Variants in TBC1D30 observed in about 807,000 individuals in gnomAD.
TBC1D30 encodes TBC1 domain family, member 30.
In TBC1D30, 31 loss-of-function variants were observed where a neutral mutation model predicts 63.2. That is an observed-to-expected ratio of 0.49 (90% CI 0.37 to 0.66). The LOEUF (loss-of-function observed/expected upper bound fraction) is 0.66, where lower values mean the gene tolerates loss of function less well. TBC1D30 is among the 30% of genes least tolerant of loss of function. TBC1D30 has a pLI of 0.00. For missense variants in TBC1D30, 810 were observed against 953.6 expected (o/e 0.85, Z 1.98); for synonymous variants, 307 against 361.5 (o/e 0.85, Z 1.71).
chr12:64,785,035 A>G (rs1382912904), intron 1 of TBC1D30, among the ~76,000 whole-genome samples: 5 of 152,202 alleles, frequency 3.3e-5, no homozygotes, highest in African/African-American at 1.2e-4. Flanking sequence ...CTATTGGAAG[A>G]CTGGATATTC....
intron 2 of TBC1D30, among the ~76,000 whole-genome samples, chr12:64,807,632 A>G (rs1366199317): frequency 6.6e-6 from 1 of 152,188 alleles, no homozygotes; most frequent in Non-Finnish European, 1.5e-5. Context: ...GGTTTTCCTA[A>G]TATGCCATTC....
intron 5 of TBC1D30, among the ~76,000 whole-genome samples, chr12:64,833,622 A>G (rs1460213067): frequency 2.0e-5 from 3 of 152,174 alleles, no homozygotes; most frequent in Non-Finnish European, 4.4e-5. Flanking sequence ...GGAAAAATAA[A>G]CAAATGTTCC....
At chr12:64,867,145 C>G (rs115732756) in intron 10 of TBC1D30, among the ~76,000 whole-genome samples, 2,388 of 152,098 alleles carry the variant, frequency 0.016, 69 homozygotes, top group African/African-American at 0.054. Context: ...GACCCAGTCT[C>G]TACCAAACAA....
At chr12:64,867,007 A>G (rs1235969173) in intron 10 of TBC1D30, 104 bp downstream of exon 10, 1 of 1,307,996 alleles carries the variant, frequency 7.6e-7, no homozygotes, top group African/African-American at 1.5e-5. Context: ...TGAACTGGTT[A>G]CAACTATTAA....
At chr12:64,832,359 G>A in intron 5 of TBC1D30, 55 bp downstream of exon 5, 11 of 1,470,194 alleles carry the variant, frequency 7.5e-6, no homozygotes, top group Non-Finnish European at 1.0e-5. Flanking sequence ...GTGAGAAATT[G>A]GAACCATAAT....
At chr12:64,804,928 G>C (rs941572611) in intron 2 of TBC1D30, among the ~76,000 whole-genome samples, 2 of 152,132 alleles carry the variant, frequency 1.3e-5, no homozygotes, top group Non-Finnish European at 2.9e-5. Flanking sequence ...TTGGCTGAAT[G>C]CGTGGCTCAC....
At chr12:64,765,773 A>C (rs1870689407) in intron 1 of TBC1D30, among the ~76,000 whole-genome samples, 1 of 147,174 alleles carries the variant, frequency 6.8e-6, no homozygotes, top group African/African-American at 2.5e-5. Context: ...AGGTGGGCAG[A>C]TGGCTTGAGC....
At chr12:64,789,317 T>C (rs1321576359) in intron 2 of TBC1D30, among the ~76,000 whole-genome samples, 1 of 151,682 alleles carries the variant, frequency 6.6e-6, no homozygotes, top group Admixed American at 6.6e-5. Context: ...CCCGAGTAGC[T>C]GGAACTTAGG....
rs1362586282 is a variant in TBC1D30, at chr12:64,880,804, A to G, written c.*5016A>G. ...AAGAGTTGTTGTTGTTTTAACATTA[A>G]AAAACCAGAAAGTTCACTTGTTTCT... On this transcript the variant is annotated 3_prime_UTR_variant, in exon 12 of 12. Coordinates refer to ENST00000539867, the MANE Select transcript of TBC1D30 (RefSeq NM_015279.2). 3.3e-5 allele frequency: 5 copies of G among 152,154 alleles called. No homozygotes were observed. The highest frequency in any genetic ancestry group is 2.6e-4 in the Admixed American group (4 of 15,284). 9.4% of individuals were successfully genotyped at this position (152,154 alleles called of 1,614,324 possible).
At chr12:64,785,174 G>A (rs1399564676) in intron 1 of TBC1D30, among the ~76,000 whole-genome samples, 3 of 147,920 alleles carry the variant, frequency 2.0e-5, no homozygotes, top group South Asian at 2.1e-4. Flanking sequence ...TCTTTGAGAC[G>A]GAGTTTCGCT....
chr12:64,785,846 T>C, intron 1 of TBC1D30: 1 of 1,274,708 alleles, frequency 7.8e-7, no homozygotes, highest in Non-Finnish European at 1.0e-6. Flanking sequence ...CCTCTCAAGG[T>C]ATTAATCGTT....
intron 9 of TBC1D30, 146 bp downstream of exon 9, chr12:64,864,926 AT>A: frequency 1.6e-6 from 1 of 644,916 alleles, no homozygotes; most frequent in South Asian, 2.4e-5. Flanking sequence ...AATGGTTTTG[AT>A]TTAAACTCAA....
At chr12:64,841,368 C>T (rs1329905547) in intron 7 of TBC1D30, among the ~76,000 whole-genome samples, 1 of 152,200 alleles carries the variant, frequency 6.6e-6, no homozygotes, top group Non-Finnish European at 1.5e-5. Flanking sequence ...TTCTCCTCTG[C>T]CCCTGCTGTT....
At chr12:64,790,299 C>T (rs1871844943) in intron 2 of TBC1D30, among the ~76,000 whole-genome samples, 1 of 152,050 alleles carries the variant, frequency 6.6e-6, no homozygotes, top group African/African-American at 2.4e-5. Flanking sequence ...GGAAAATACA[C>T]CTAAAAGCTT....
chr12:64,808,405 C>T (rs577813470), intron 2 of TBC1D30, among the ~76,000 whole-genome samples: 122 of 152,274 alleles, frequency 8.0e-4, no homozygotes, highest in African/African-American at 2.6e-3. Flanking sequence ...TGGACTGTGC[C>T]GTGCCTGTCT....
intron 1 of TBC1D30, among the ~76,000 whole-genome samples, chr12:64,761,775 A>G (rs1043519889): frequency 3.9e-5 from 6 of 152,220 alleles, no homozygotes; most frequent in Admixed American, 2.6e-4. Flanking sequence ...TGGAGTAGCC[A>G]TTCTTTTATT....
At chr12:64,866,998 G>T in intron 10 of TBC1D30, 95 bp downstream of exon 10, 1 of 1,375,808 alleles carries the variant, frequency 7.3e-7, no homozygotes, top group South Asian at 1.4e-5. Flanking sequence ...GTAACTTTCT[G>T]AACTGGTTAC....
intron 8 of TBC1D30, among the ~76,000 whole-genome samples, chr12:64,864,078 A>G (rs1428077828): frequency 2.0e-5 from 3 of 151,936 alleles, no homozygotes; most frequent in Admixed American, 1.3e-4. Context: ...ATAACAGCCT[A>G]GGCTTTACAC....
At position 64,875,695 on chromosome 12, in the gene TBC1D30, C is replaced by A. The variant is rs1471265265; in HGVS notation, c.2193C>A (p.Gly731=). ...SATARNLGLY[G]PTERTPTVHF... is the part of the protein sequence containing the mutation. ...CTGCCAGGAACTTGGGATTATATGG[C>A]CCTACAGAAAGAACCCCAACTGTGC... Residue 731 remains glycine (G), a synonymous_variant, in exon 12 of 12, where the codon GGC becomes GGA. Transcript: ENST00000539867. 6.5e-7 allele frequency: 1 copy of A among 1,536,562 alleles called. No individual in the cohort carries two copies. Among genetic ancestry groups the A allele is most frequent in the Non-Finnish European group, 8.7e-7 (1 of 1,147,000 alleles).
Sources: gnomAD v4.1 joint callset for allele counts (sites outside exome capture counted in the v4.1 genomes callset) on GRCh38, gnomAD v4.1.1 for gene constraint, MANE v1.5 for transcripts, NCBI Gene and HGNC (gene_info 2026-07-23, HGNC 2026-07-21) for gene names.